The following DCT variants were observed in gnomAD, a reference collection of about 807,000 sequenced individuals.
The protein encoded by DCT is L-dopachrome tautomerase.
In DCT, 47 loss-of-function variants were observed where a neutral mutation model predicts 53.0. The observed-to-expected ratio is 0.89, with a 90% CI of 0.70 to 1.13. DCT has a LOEUF of 1.13. DCT is among the 50% of genes most tolerant of loss of function. DCT has a pLI of 0.00. For missense variants in DCT, 669 were observed against 637.4 expected, an observed-to-expected ratio of 1.05 and a Z score of -0.53; for synonymous variants, 244 against 237.0, an observed-to-expected ratio of 1.03 and a Z score of -0.27.
chr13:94,532,800 T>G, the DCT span, among the ~76,000 whole-genome samples: 1 of 151,990 alleles, frequency 6.6e-6, no homozygotes, highest in African/African-American at 2.4e-5. Context: ...AATAAACAAA[T>G]AAATAAATGG....
At chr13:94,494,703 G>A in the DCT span, among the ~76,000 whole-genome samples, 1 of 152,166 alleles carries the variant, frequency 6.6e-6, no homozygotes, top group South Asian at 2.1e-4. Flanking sequence ...TAAAGAAACA[G>A]AAGCAGAAAG....
chr13:94,457,627 T>C (rs750235882), intron 6 of DCT, among the ~76,000 whole-genome samples: 1 of 152,176 alleles, frequency 6.6e-6, no homozygotes, highest in African/African-American at 2.4e-5. Flanking sequence ...TCACACAATC[T>C]AACTGGATAA....
At chr13:94,451,795 T>C (rs1427574575) in intron 6 of DCT, among the ~76,000 whole-genome samples, 1 of 152,122 alleles carries the variant, frequency 6.6e-6, no homozygotes, top group East Asian at 1.9e-4. Flanking sequence ...ACAAAATACA[T>C]CTTTACATGA....
intron 1 of DCT, among the ~76,000 whole-genome samples, chr13:94,474,616 A>G (rs764204038): frequency 6.6e-6 from 1 of 152,222 alleles, no homozygotes; most frequent in Non-Finnish European, 1.5e-5. Context: ...CAAAAGACAT[A>G]GCTGCAAATG....
At chr13:94,470,425 C>T (rs890701689) in intron 1 of DCT, among the ~76,000 whole-genome samples, 1 of 152,166 alleles carries the variant, frequency 6.6e-6, no homozygotes, top group African/African-American at 2.4e-5. Context: ...TGTAGCTTGC[C>T]CCAGACTTTT....
At position 94,479,028 on chromosome 13, in the gene DCT, GATGT is replaced by G. The variant is rs866676671; in HGVS notation, c.224_227del (p.Tyr75SerfsTer50). On this transcript the variant is annotated frameshift_variant, in exon 1 of 8. Transcript: ENST00000377028. LOFTEE classifies it high-confidence loss of function. ...GCTCACGGTCATCCTGGTTTCGTAG[GATGT>G]AGGGACCACTCCAGGGCCTTGTGTC... The G allele has an allele frequency of 2.5e-6, 4 of 1,614,038 alleles. No individual in the cohort carries two copies. Among genetic ancestry groups the G allele is most frequent in the African/African-American group, 1.3e-5 (1 of 74,950 alleles).
the DCT span, among the ~76,000 whole-genome samples, chr13:94,488,333 T>C: frequency 6.6e-6 from 1 of 152,134 alleles, no homozygotes; most frequent in Non-Finnish European, 1.5e-5. Context: ...AAAAAATATA[T>C]ATATTTTTAG....
Position 94,479,249 on chromosome 13 carries a change from G to T in DCT, c.7C>A (p.Pro3Thr). Residue 3 changes from proline (P) to threonine (T), a missense_variant, in exon 1 of 8, where the codon CCC (proline) becomes ACC (threonine). Physicochemically the swap from Pro to Thr is conservative, Grantham distance 38. Coordinates refer to ENST00000377028, the MANE Select transcript of DCT (RefSeq NM_001922.5). ...CTGAGCAGAAACCCCCACCAAAGGG[G>T]GCTCATGGCTTTATAATTGGGAGAG... MS[P>T]LWWGFLLSCL... 1 of 1,574,982 alleles carries T rather than the reference G, an allele frequency of 6.3e-7. No individual in the cohort carries two copies. Among genetic ancestry groups the T allele is most frequent in the Non-Finnish European group, 8.7e-7 (1 of 1,154,850 alleles).
rs1160051818 is a variant in DCT, at chr13:94,462,016, C to A, written c.1037G>T (p.Ser346Ile). ...CAGAGCTCAGAGCACCCACCTGAAA[C>A]TGAAGGTAGAGTTCTGGAAGAAGGG... ...NPPFFQNSTFSFRNALEGFDK... is the reference protein window; with the variant it reads ...NPPFFQNSTFIFRNALEGFDK... The change falls in exon 5 of 8, where the codon AGT becomes ATT. Residue 346 changes from serine (S) to isoleucine (I), a missense_variant. By Grantham distance (142) the Ser-to-Ile change is moderately radical. Transcript: ENST00000377028. The A allele has an allele frequency of 1.9e-6, 3 of 1,613,020 alleles. No individual in the cohort carries two copies. The African/African-American group carries it at 4.0e-5, about 22-fold the overall frequency.
the DCT span, among the ~76,000 whole-genome samples, chr13:94,520,709 AG>A: frequency 6.6e-6 from 1 of 152,198 alleles, no homozygotes; most frequent in African/African-American, 2.4e-5. Flanking sequence ...AGGTGGGTAG[AG>A]AAAAAAAAGG....
the DCT span, among the ~76,000 whole-genome samples, chr13:94,547,707 TGGCTG>T: frequency 1.3e-5 from 2 of 151,656 alleles, no homozygotes; most frequent in South Asian, 4.2e-4. Context: ...TAAGAAATCT[TGGCTG>T]GGCACACTAG....
the DCT span, among the ~76,000 whole-genome samples, chr13:94,516,180 G>A: frequency 7.9e-5 from 12 of 151,988 alleles, no homozygotes; most frequent in East Asian, 2.3e-3. Flanking sequence ...GGTGGCATAT[G>A]GATTGAGTGT....
intron 1 of DCT, among the ~76,000 whole-genome samples, chr13:94,475,232 G>A (rs1483587626): frequency 6.6e-6 from 1 of 152,182 alleles, no homozygotes; most frequent in Admixed American, 6.5e-5. Context: ...TAACTTCCCA[G>A]CTCAGTCACT....
At chr13:94,527,517 A>G in the DCT span, among the ~76,000 whole-genome samples, 78 of 152,334 alleles carry the variant, frequency 5.1e-4, 2 homozygotes, top group Non-Finnish European at 9.0e-4. Flanking sequence ...ACTTCCAGCA[A>G]ACTCCAGCAG....
rs117259803 is a variant in DCT, at chr13:94,451,952, C to T, written c.1179+8139G>A. On this transcript the variant is annotated intron_variant, in intron 6 of 7. Coordinates refer to ENST00000377028, the MANE Select transcript of DCT (RefSeq NM_001922.5). ...TTTCTTTTTCCAGAAGTCATGATCA[C>T]AAACAAAAGTTATGAAGACAGATCA... Among the ~76,000 whole-genome samples, 138 of 151,468 alleles carry T rather than the reference C, an allele frequency of 9.1e-4. 1 individual carries two copies. In the East Asian group the frequency reaches 0.022, roughly 24 times the overall value.
chr13:94,527,054 C>T, the DCT span, among the ~76,000 whole-genome samples: 3,762 of 152,280 alleles, frequency 0.025, 92 homozygotes, highest in African/African-American at 0.058. Flanking sequence ...CGCAACACTG[C>T]AGCTTGACTG....
At chr13:94,441,474 A>G (rs1421792052) in intron 7 of DCT, among the ~76,000 whole-genome samples, 1 of 152,092 alleles carries the variant, frequency 6.6e-6, no homozygotes, top group Admixed American at 6.5e-5. Context: ...CAGAACCTTT[A>G]TATCTTGCAA....
chr13:94,442,814 C>T (rs114026697), intron 7 of DCT, among the ~76,000 whole-genome samples: 1,595 of 152,202 alleles, frequency 0.01, 26 homozygotes, highest in African/African-American at 0.036. Context: ...AGTTATAAGA[C>T]GATGTGGGTA....
At position 94,460,244 on chromosome 13, in the gene DCT, A is replaced by G; in HGVS notation, c.1044-18T>C. On this transcript the variant is annotated intron_variant, in intron 5 of 7. Transcript: ENST00000377028. ...AAGCATTCCTAGGAGAAACAAGTAT[A>G]TCAGTGACAACAGACAAAGACTGAT... The G allele has an allele frequency of 1.9e-6, 3 of 1,610,790 alleles. No individual in the cohort carries two copies. Among genetic ancestry groups the G allele is most frequent in the Non-Finnish European group, 2.5e-6 (3 of 1,177,662 alleles).
Sources: gnomAD v4.1 joint callset for allele counts (sites outside exome capture counted in the v4.1 genomes callset) on GRCh38, gnomAD v4.1.1 for gene constraint, MANE v1.5 for transcripts, NCBI Gene and HGNC (gene_info 2026-07-23, HGNC 2026-07-21) for gene names.